Variants in MUC22 observed in about 807,000 individuals in gnomAD.
MUC22 encodes the protein mucin-22.
Under a neutral mutation model 40.3 loss-of-function variants are expected in MUC22, and 24 were observed. That is an observed-to-expected ratio of 0.60 (90% CI 0.43 to 0.84). The LOEUF is 0.84. MUC22 is among the 40% of genes least tolerant of loss of function. The probability of loss-of-function intolerance (pLI) is 0.00; values close to 1 mark genes in which losing one functional copy is unlikely to be tolerated. For missense variants in MUC22, 1,926 were observed against 2,130.7 expected, an observed-to-expected ratio of 0.90 and a Z score of 1.89; for synonymous variants, 765 against 844.5, an observed-to-expected ratio of 0.91 and a Z score of 1.63.
upstream of MUC22, among the ~76,000 whole-genome samples, chr6:31,007,396 A>G (rs1205929988): frequency 6.6e-6 from 1 of 152,260 alleles, no homozygotes; most frequent in Non-Finnish European, 1.5e-5. The surrounding 1 kb of genome is among the most constrained non-coding windows in gnomAD (Gnocchi z 4.0). Context: ...GACATAGACC[A>G]TATCAGGCTA....
chr6:31,020,814 A>C (rs904541051), intron 1 of MUC22, among the ~76,000 whole-genome samples: 3 of 152,102 alleles, frequency 2.0e-5, no homozygotes, highest in African/African-American at 4.8e-5. Flanking sequence ...CCGCACTCGA[A>C]GCAGCCAGCG....
At chr6:31,029,876 G>T (rs1056114133) in exon 2 of MUC22, 1 of 1,533,374 alleles carries the variant, frequency 6.5e-7, no homozygotes, top group Non-Finnish European at 8.7e-7. Context: ...TCCAGTGCAG[G>T]CTCTGAGACC....
At chr6:31,018,611 T>C (rs2150757503) in intron 1 of MUC22, among the ~76,000 whole-genome samples, 1 of 152,406 alleles carries the variant, frequency 6.6e-6, no homozygotes, top group Non-Finnish European at 1.5e-5. Flanking sequence ...TATTCTTCTA[T>C]GAAATCCGTA....
At chr6:31,035,006 C>A in exon 4 of MUC22, 1 of 1,458,902 alleles carries the variant, frequency 6.9e-7, no homozygotes, top group South Asian at 1.3e-5. Context: ...TGGCTGTGGC[C>A]ATAGATTGGG....
chr6:31,020,825 G>C (rs901356400), intron 1 of MUC22, among the ~76,000 whole-genome samples: 2 of 152,238 alleles, frequency 1.3e-5, no homozygotes, highest in African/African-American at 4.8e-5. Flanking sequence ...GCAGCCAGCG[G>C]GCCCTGCAGG....
chr6:31,007,608 G>A (rs954864060), upstream of MUC22, among the ~76,000 whole-genome samples: 1 of 152,192 alleles, frequency 6.6e-6, no homozygotes, highest in Non-Finnish European at 1.5e-5. The surrounding 1 kb of genome is among the most constrained non-coding windows in gnomAD (Gnocchi z 4.0). Context: ...AGAGATGGCA[G>A]CGAGAATCTG....
intron 1 of MUC22, among the ~76,000 whole-genome samples, chr6:31,012,221 T>C (rs1334298604): frequency 6.6e-6 from 1 of 152,186 alleles, no homozygotes; most frequent in African/African-American, 2.4e-5. Context: ...GGTTGGATGA[T>C]GTGGAGGATT....
chr6:31,027,663 G>A lies in MUC22; in HGVS notation c.2232G>A (p.Glu744=), dbSNP rs1765547392. 2.2e-5 allele frequency: 33 copies of A among 1,530,930 alleles called. 1 individual carries two copies. The highest frequency in any genetic ancestry group is 2.9e-5 in the Non-Finnish European group (33 of 1,144,640). The allele number at this position is 1,530,930 out of a possible 1,614,324, so 94.8% of individuals were successfully genotyped here. A position where few individuals can be genotyped will look rare whatever the true frequency, so the allele number is the denominator to read the frequency against. ...CCACAGCCTCTAATACAGGCTTGGA[G>A]ACCACCACAGTCTTTACCATAGGCT... is the stretch of plus-strand genomic sequence containing the variant. Residue 744 remains glutamate, a synonymous_variant, in exon 2 of 4, where the codon GAG becomes GAA. Transcript: ENST00000561890.
intron 3 of MUC22, among the ~76,000 whole-genome samples, chr6:31,034,262 C>T (rs536803153): frequency 6.6e-6 from 1 of 152,224 alleles, no homozygotes; most frequent in Non-Finnish European, 1.5e-5. Flanking sequence ...CTTTCTAGAG[C>T]TCTCAATTCC....
intron 1 of MUC22, among the ~76,000 whole-genome samples, chr6:31,024,492 A>G (rs1765113354): frequency 6.6e-6 from 1 of 152,154 alleles, no homozygotes; most frequent in South Asian, 2.1e-4. Context: ...TAACCAGAGT[A>G]TGTTATTCCA....
chr6:31,029,366 G>A, exon 2 of MUC22: 1 of 1,534,754 alleles, frequency 6.5e-7, no homozygotes, highest in Non-Finnish European at 8.7e-7. Flanking sequence ...TCTACTGAAG[G>A]CTCTGAGACA....
chr6:31,021,566 C>T (rs1257241184), intron 1 of MUC22, among the ~76,000 whole-genome samples: 1 of 129,480 alleles, frequency 7.7e-6, no homozygotes, highest in East Asian at 2.2e-4. Flanking sequence ...ACACACCAAT[C>T]AGCACCCTGT....
Position 31,032,505 on chromosome 6 carries a change from C to A in MUC22, c.4979C>A (p.Pro1660His). 1 of 1,535,712 alleles carries A rather than the reference C, an allele frequency of 6.5e-7. No individual in the cohort carries two copies. Among genetic ancestry groups the A allele is most frequent in the Non-Finnish European group, 8.7e-7 (1 of 1,146,922 alleles). ...ATCAAACCAAGTGGATATTTACAGCCCTGGGCTATCATCCTCATTTCCCTG... is the reference window on the plus strand; with the variant it reads ...ATCAAACCAAGTGGATATTTACAGCACTGGGCTATCATCCTCATTTCCCTG... The change falls in exon 3 of 4, where the codon CCC becomes CAC. Residue 1660 changes from proline (P) to histidine (H), a missense_variant. Physicochemically the swap from Pro to His is moderately conservative, Grantham distance 77. Around this residue, in one of 3 missense-constraint regions of MUC22, gnomAD observed 610 missense variants for 714.6 expected, o/e 0.85. Coordinates refer to ENST00000561890, the Ensembl canonical transcript of MUC22. The surrounding 1 kb of genome is among the most constrained non-coding windows in gnomAD (Gnocchi z 4.1).
chr6:31,027,909 C>T, exon 2 of MUC22: 5 of 1,534,718 alleles, frequency 3.3e-6, no homozygotes, highest in African/African-American at 1.4e-5. Context: ...CTGAGACCAC[C>T]ACAGACTCTA....
upstream of MUC22, chr6:31,006,029 C>T (rs1350797172): frequency 1.2e-5 from 3 of 253,640 alleles, no homozygotes; most frequent in African/African-American, 7.1e-5. Flanking sequence ...ATAGCTTGAA[C>T]CTGGGAAGTG....
intron 1 of MUC22, among the ~76,000 whole-genome samples, chr6:31,021,530 C>T (rs1350885032): frequency 6.8e-6 from 1 of 146,578 alleles, no homozygotes; most frequent in Non-Finnish European, 1.5e-5. Context: ...CCAATCGGCA[C>T]TCTGTATCTA....
chr6:31,010,802 G>T (rs1453195057), intron 1 of MUC22, 26 bp downstream of exon 1: 1 of 702,340 alleles, frequency 1.4e-6, no homozygotes, highest in Non-Finnish European at 2.6e-6. Context: ...GTTAAGGAGG[G>T]AGAGGGGCAT....
At chr6:31,008,463 G>A (rs1581592170), upstream of MUC22, among the ~76,000 whole-genome samples, 1 of 152,154 alleles carries the variant, frequency 6.6e-6, no homozygotes, top group African/African-American at 2.4e-5. Flanking sequence ...CCTTGAAATG[G>A]GGGGAAAACA....
chr6:31,014,594 C>T (rs1015873849), intron 1 of MUC22, among the ~76,000 whole-genome samples: 1 of 152,216 alleles, frequency 6.6e-6, no homozygotes, highest in East Asian at 1.9e-4. Flanking sequence ...ATTTTAAAAC[C>T]TTATGCACTG....
Sources: gnomAD v4.1 joint callset for allele counts (sites outside exome capture counted in the v4.1 genomes callset) on GRCh38, gnomAD v4.1.1 for gene constraint, gnomAD v4.1.1 regional missense constraint, Gnocchi (gnomAD v3.1) non-coding constraint, MANE v1.5 for transcripts, NCBI Gene and HGNC (gene_info 2026-07-23, HGNC 2026-07-21) for gene names.